The following MYO3A variants were observed in gnomAD, a reference collection of about 807,000 sequenced individuals.
MYO3A encodes the protein myosin IIIA.
Under a neutral mutation model 192.7 loss-of-function variants are expected in MYO3A, and 180 were observed. That is an observed-to-expected ratio of 0.93 (90% CI 0.83 to 1.06). The LOEUF (loss-of-function observed/expected upper bound fraction) is 1.06, where lower values mean the gene tolerates loss of function less well. Ranked by LOEUF, MYO3A falls within the 50% of genes least tolerant of loss-of-function variation. The pLI is 0.00. For synonymous variants in MYO3A, 628 were observed against 645.3 expected (o/e 0.97, Z 0.41); for missense variants, 1,896 against 1,905.0 (o/e 1.00, Z 0.09).
intron 26 of MYO3A, among the ~76,000 whole-genome samples, chr10:26,165,425 C>T (rs1049994296): frequency 6.6e-6 from 1 of 152,158 alleles, no homozygotes; most frequent in Non-Finnish European, 1.5e-5. Flanking sequence ...ATTTTCTTTC[C>T]TTAATTCATC....
Position 26,166,170 on chromosome 10 carries a change from A to G in MYO3A, c.3103A>G (p.Lys1035Glu). 6.2e-7 allele frequency: 1 copy of G among 1,608,630 alleles called. No individual in the cohort carries two copies. Among genetic ancestry groups the G allele is most frequent in the South Asian group, 1.1e-5 (1 of 90,940 alleles). Residue 1035 changes from lysine (K) to glutamate (E), a missense_variant, in exon 27 of 35, where the codon AAA becomes GAA. By Grantham distance (56) the Lys-to-Glu change is moderately conservative (BLOSUM62 1). Coordinates refer to ENST00000642920, the MANE Select transcript of MYO3A (RefSeq NM_017433.5). ...KAGLDNWALG[K>E]TKVFLKYYHV... ...TGGTCTCGATAACTGGGCTCTTGGA[A>G]AAACAAAAGTAATGTTTTCATGTAA...
chr10:25,973,705 A>G (rs1431721979), intron 4 of MYO3A, among the ~76,000 whole-genome samples: 3 of 152,146 alleles, frequency 2.0e-5, no homozygotes, highest in East Asian at 1.9e-4. Flanking sequence ...TTGAATTTAC[A>G]GTAACCAAAA....
At chr10:26,067,233 G>A (rs1834909492) in intron 11 of MYO3A, among the ~76,000 whole-genome samples, 159 bp downstream of exon 11, 1 of 152,186 alleles carries the variant, frequency 6.6e-6, no homozygotes, top group Non-Finnish European at 1.5e-5. Context: ...TAAGTCTCAT[G>A]CTTTCTTTGT....
chr10:26,129,681 A>G (rs1453238969), intron 20 of MYO3A, among the ~76,000 whole-genome samples: 3 of 152,116 alleles, frequency 2.0e-5, no homozygotes, highest in Non-Finnish European at 4.4e-5. Context: ...ATTCCCCTGG[A>G]ATGGCCCTTC....
intron 20 of MYO3A, among the ~76,000 whole-genome samples, chr10:26,135,357 A>G (rs552474509): frequency 8.1e-4 from 123 of 151,830 alleles, no homozygotes; most frequent in Non-Finnish European, 1.2e-3. Flanking sequence ...ATTAATTCAT[A>G]AATATAAATT....
At chr10:26,104,706 T>C (rs1837682023) in intron 17 of MYO3A, among the ~76,000 whole-genome samples, 1 of 151,996 alleles carries the variant, frequency 6.6e-6, no homozygotes, top group Admixed American at 6.6e-5. Context: ...ACCTTGTCAA[T>C]TTCTAGCACC....
At chr10:26,105,873 A>C (rs2131612777) in intron 17 of MYO3A, among the ~76,000 whole-genome samples, 1 of 152,194 alleles carries the variant, frequency 6.6e-6, no homozygotes, top group East Asian at 1.9e-4. Flanking sequence ...TACCAGATGG[A>C]GCACCACTTT....
chr10:26,180,205 A>G (rs988394960), intron 31 of MYO3A, among the ~76,000 whole-genome samples: 5 of 152,218 alleles, frequency 3.3e-5, no homozygotes, highest in African/African-American at 1.2e-4. Flanking sequence ...GCAATAGTAC[A>G]TTAAAAGACT....
At position 26,128,459 on chromosome 10, in the gene MYO3A, C is replaced by A. The variant is rs761351165; in HGVS notation, c.2183C>A (p.Ser728Tyr). The change falls in exon 20 of 35, where the codon TCC becomes TAC. Residue 728 changes from serine to tyrosine, a missense_variant. By Grantham distance (144) the Ser-to-Tyr change is moderately radical. Coordinates refer to ENST00000642920, the MANE Select transcript of MYO3A (RefSeq NM_017433.5). ...GGCTTTGAAAATTTCAAAAAAAATT[C>A]CTTCGAGCAGCTGTGCATTAACATT... ...IFGFENFKKN[S>Y]FEQLCINIAN... 6.2e-7 allele frequency: 1 copy of A among 1,612,300 alleles called. No individual in the cohort carries two copies. Among genetic ancestry groups the A allele is most frequent in the Non-Finnish European group, 8.5e-7 (1 of 1,178,624 alleles).
chr10:26,197,881 A>T (rs772679053), intron 32 of MYO3A, among the ~76,000 whole-genome samples: 2 of 152,158 alleles, frequency 1.3e-5, no homozygotes, highest in Non-Finnish European at 2.9e-5. Context: ...CAGTGCATTT[A>T]TAAATATTTA....
chr10:26,036,739 A>G (rs963656560), intron 10 of MYO3A, among the ~76,000 whole-genome samples: 3 of 152,180 alleles, frequency 2.0e-5, no homozygotes, highest in South Asian at 2.1e-4. Flanking sequence ...GGATCCACCC[A>G]TACTGTAGCC....
chr10:25,997,289 A>T (rs774497619), intron 6 of MYO3A, 31 bp downstream of exon 6: 1 of 1,446,278 alleles, frequency 6.9e-7, no homozygotes, highest in African/African-American at 1.4e-5. Flanking sequence ...ATGAGTTTTA[A>T]CTCCATAATG....
intron 6 of MYO3A, among the ~76,000 whole-genome samples, chr10:26,001,017 G>A (rs80262227): frequency 5.3e-5 from 8 of 152,248 alleles, no homozygotes; most frequent in East Asian, 3.9e-4. Context: ...AGCACATCTC[G>A]TGAGAACTCA....
At chr10:26,002,347 CT>C (rs1179795974) in intron 6 of MYO3A, among the ~76,000 whole-genome samples, 1 of 152,164 alleles carries the variant, frequency 6.6e-6, no homozygotes, top group Non-Finnish European at 1.5e-5. Context: ...AGGCAAGTTA[CT>C]TCTATAGAAG....
intron 4 of MYO3A, among the ~76,000 whole-genome samples, chr10:25,955,229 A>G (rs1837468078): frequency 6.6e-6 from 1 of 152,182 alleles, no homozygotes; most frequent in Admixed American, 6.6e-5. Flanking sequence ...AAATGACTCC[A>G]CAATAAAAGA....
intron 2 of MYO3A, among the ~76,000 whole-genome samples, chr10:25,939,511 A>G (rs576099866): frequency 1.3e-5 from 2 of 152,034 alleles, no homozygotes; most frequent in South Asian, 2.1e-4. Flanking sequence ...ATTTTTCATT[A>G]TTATTCAGTT....
chr10:26,113,424 T>G (rs1373027164), intron 17 of MYO3A, among the ~76,000 whole-genome samples: 3 of 151,134 alleles, frequency 2.0e-5, no homozygotes, highest in Non-Finnish European at 2.9e-5. Context: ...GAGCCGAGAT[T>G]GTGCCACTGC....
intron 10 of MYO3A, among the ~76,000 whole-genome samples, chr10:26,041,272 A>G (rs1195137954): frequency 1.3e-5 from 2 of 151,696 alleles, no homozygotes; most frequent in Non-Finnish European, 2.9e-5. Flanking sequence ...TTTTCAGTCT[A>G]TGTGTGTCTT....
rs111410638 is a variant in MYO3A, at chr10:26,193,110, A to G, written c.4439-95A>G. 89 of 985,540 alleles carry G rather than the reference A, an allele frequency of 9.0e-5. 2 individuals are homozygous for G. In the African/African-American group the frequency reaches 1.0e-3, roughly 11 times the overall value. 61.0% of individuals were successfully genotyped at this position (985,540 alleles called of 1,614,324 possible). On this transcript the variant is annotated intron_variant, in intron 31 of 34. Transcript: ENST00000642920. Reference sequence around the variant, plus strand: ...TTTTTCTCCAGCCTTAGCCTCAGTCATATGTGTATAATTTCTTATTTATCC... The same window carrying G: ...TTTTTCTCCAGCCTTAGCCTCAGTCGTATGTGTATAATTTCTTATTTATCC...
Sources: allele counts gnomAD v4.1 joint callset (sites outside exome capture counted in the v4.1 genomes callset), GRCh38; gene constraint gnomAD v4.1.1; transcripts MANE v1.5; gene names NCBI Gene and HGNC (gene_info 2026-07-23, HGNC 2026-07-21).